The following ARHGAP1 variants were observed in gnomAD, a reference collection of about 807,000 sequenced individuals.
ARHGAP1 encodes Rho GTPase activating protein 1, also known as rho GTPase-activating protein 1.
A neutral mutation model predicts 52.2 loss-of-function variants in ARHGAP1; 23 were observed. The ratio of observed to expected loss-of-function variants is 0.44; its 90% CI spans 0.32 to 0.62. The LOEUF (loss-of-function observed/expected upper bound fraction) is 0.62. Ranked by LOEUF, ARHGAP1 falls within the 20% of genes least tolerant of loss-of-function variation. ARHGAP1 has a pLI of 0.05. For missense variants in ARHGAP1, 480 were observed against 560.9 expected, an observed-to-expected ratio of 0.86 and a Z score of 1.46; for synonymous variants, 210 against 228.4, an observed-to-expected ratio of 0.92 and a Z score of 0.73.
rs1209531028 is a variant in ARHGAP1, at chr11:46,681,345, G to A, written c.484C>T (p.His162Tyr). 1 of 1,613,628 alleles carries A rather than the reference G, an allele frequency of 6.2e-7. No homozygotes were observed. The highest frequency in any genetic ancestry group is 1.1e-5 in the South Asian group (1 of 91,070). The change falls in exon 6 of 13, where the codon CAT becomes TAT. Residue 162 changes from histidine (H) to tyrosine (Y), a missense_variant. By Grantham distance (83) the His-to-Tyr change is moderately conservative (BLOSUM62 2). Transcript: ENST00000311956. This position sits in a 1 kb window ranked among gnomAD's most constrained non-coding sequence, Gnocchi z 5.7. ...KKNIKALYIV[H>Y]PTMFIKTLLI... ...AGAGTTTTGATGAACATGGTTGGAT[G>A]CACGATGTACAAGGCCTTGATGTTT...
rs1278594408 is a variant in ARHGAP1 at position 46,679,933 on chromosome 11, A to C, written c.899-157T>G. 11 of 1,251,304 alleles carry C rather than the reference A, an allele frequency of 8.8e-6. No individual in the cohort carries two copies. In the East Asian group the frequency reaches 2.8e-4, roughly 32 times the overall value. 77.5% of individuals were successfully genotyped at this position (1,251,304 alleles called of 1,614,324 possible). A position where few individuals can be genotyped will look rare whatever the true frequency, so the allele number is the denominator to read the frequency against. On this transcript the variant is annotated intron_variant, in intron 10 of 12. Coordinates refer to ENST00000311956, the MANE Select transcript of ARHGAP1 (RefSeq NM_004308.5). The surrounding 1 kb of genome is among the most constrained non-coding windows in gnomAD (Gnocchi z 4.4). ...ACACCTGCCTCCCTCTTCCTCTGTG[A>C]TCAGAGAATGCAGGTTCCGGCCATC...
rs537446908 is a variant in ARHGAP1, at chr11:46,681,578, C to T, written c.450-199G>A. ...CCTCCTGAGTAACTAGGATTACAGGCACCCACCACCACACCTAGCTAATTT... is the reference window on the plus strand; with the variant it reads ...CCTCCTGAGTAACTAGGATTACAGGTACCCACCACCACACCTAGCTAATTT... On this transcript the variant is annotated intron_variant, in intron 5 of 12. Transcript: ENST00000311956. This position sits in a 1 kb window ranked among gnomAD's most constrained non-coding sequence, Gnocchi z 5.7. 37 of 533,334 alleles carry T rather than the reference C, an allele frequency of 6.9e-5. No homozygotes were observed. The South Asian group carries it at 7.3e-4, about 11-fold the overall frequency. The allele number at this position is 533,334 out of a possible 1,614,324, so 33.0% of individuals were successfully genotyped here.
chr11:46,679,969 G>A lies in ARHGAP1; in HGVS notation c.899-193C>T, dbSNP rs1477503191. On this transcript the variant is annotated intron_variant, in intron 10 of 12. Coordinates refer to ENST00000311956, the MANE Select transcript of ARHGAP1 (RefSeq NM_004308.5). This position sits in a 1 kb window ranked among gnomAD's most constrained non-coding sequence, Gnocchi z 4.4. Reference sequence around the variant, plus strand: ...CAGGTTCCGGCCATCTGGGGAAGTGGGGCCCGGCACACCCCACCGTTATTC... The same window carrying A: ...CAGGTTCCGGCCATCTGGGGAAGTGAGGCCCGGCACACCCCACCGTTATTC... 3 of 1,082,686 alleles carry A rather than the reference G, an allele frequency of 2.8e-6. No homozygotes were observed. In the African/African-American group the frequency reaches 4.8e-5, roughly 17 times the overall value. The allele number at this position is 1,082,686 out of a possible 1,614,324, so 67.1% of individuals were successfully genotyped here.
rs2064534169 is a variant in ARHGAP1, at chr11:46,682,159, T to C, written c.341A>G (p.Gln114Arg). The change falls in exon 5 of 13, where the codon CAG becomes CGG. Residue 114 changes from glutamine (Q) to arginine (R), a missense_variant. Gln to Arg is a conservative substitution (Grantham distance 43). Coordinates refer to ENST00000311956, the MANE Select transcript of ARHGAP1 (RefSeq NM_004308.5). ...AAGTGTGTAGTCACTCTCCACGTAC[T>C]GGTCCAGGGTGTGCTTCAGGTACCT... is the stretch of plus-strand genomic sequence containing the variant. ...LLGYLKHTLD[Q>R]YVESDYTLLY... is the part of the protein sequence containing the mutation. 1 of 1,614,008 alleles carries C rather than the reference T, an allele frequency of 6.2e-7. No individual in the cohort carries two copies. The highest frequency in any genetic ancestry group is 1.3e-5 in the African/African-American group (1 of 74,934).
chr11:46,696,855 G>C lies in ARHGAP1; in HGVS notation c.-49-699C>G, dbSNP rs890572826. Among the ~76,000 whole-genome samples the C allele has an allele frequency of 6.6e-6, 1 of 152,132 alleles. No individual in the cohort carries two copies. The highest frequency in any genetic ancestry group is 1.5e-5 in the Non-Finnish European group (1 of 68,028). On this transcript the variant is annotated intron_variant, in intron 1 of 12. Coordinates refer to ENST00000311956, the MANE Select transcript of ARHGAP1 (RefSeq NM_004308.5). This position sits in a 1 kb window ranked among gnomAD's most constrained non-coding sequence, Gnocchi z 4.8. ...TTGCACTTCCAGCCTAGGCGACAGG[G>C]CAAGACTCCATCCCAAAAAAATAAA... is the stretch of plus-strand genomic sequence containing the variant.
In ARHGAP1 at chr11:46,681,421, G is replaced by T; in HGVS notation, c.450-42C>A. 1.4e-6 allele frequency: 2 copies of T among 1,451,934 alleles called. No individual in the cohort carries two copies. The highest frequency in any genetic ancestry group is 1.1e-5 in the South Asian group (1 of 87,532). The allele number at this position is 1,451,934 out of a possible 1,614,324, so 89.9% of individuals were successfully genotyped here. A position where few individuals can be genotyped will look rare whatever the true frequency, so the allele number is the denominator to read the frequency against. On this transcript the variant is annotated intron_variant, in intron 5 of 12. Transcript: ENST00000311956. This position sits in a 1 kb window ranked among gnomAD's most constrained non-coding sequence, Gnocchi z 5.7. ...GACAACTCAGGAGCAGGCGTGGTGGGACAGGTGCCACGCTAGGGTCCCAGT... is the reference window on the plus strand; with the variant it reads ...GACAACTCAGGAGCAGGCGTGGTGGTACAGGTGCCACGCTAGGGTCCCAGT...
At position 46,678,007 on chromosome 11, in the gene ARHGAP1, C is replaced by A. The variant is rs1166526604; in HGVS notation, c.*1030G>T. ...CCCCTGGGGAAATTGCTAGAACCCA[C>A]CTATCTGGACTGACCTATCAGCACA... On this transcript the variant is annotated 3_prime_UTR_variant, in exon 13 of 13. Coordinates refer to ENST00000311956, the MANE Select transcript of ARHGAP1 (RefSeq NM_004308.5). 3 of 425,522 alleles carry A rather than the reference C, an allele frequency of 7.1e-6. No individual in the cohort carries two copies. The highest frequency in any genetic ancestry group is 2.1e-5 in the African/African-American group (1 of 47,346). The allele number at this position is 425,522 out of a possible 1,614,324, so 26.4% of individuals were successfully genotyped here. A position where few individuals can be genotyped will look rare whatever the true frequency, so the allele number is the denominator to read the frequency against.
chr11:46,688,359 TA>T (rs1397153641), intron 3 of ARHGAP1, 99 bp from the exon 4 acceptor site: 7 of 1,222,374 alleles, frequency 5.7e-6, no homozygotes, highest in Admixed American at 2.0e-5. Context: ...CTGAGCCAGT[TA>T]CCACAGGGGC....
chr11:46,680,828 G>A lies in ARHGAP1; in HGVS notation c.636-81C>T, dbSNP rs544159393. The A allele has an allele frequency of 3.5e-6, 4 of 1,157,738 alleles. No individual in the cohort carries two copies. The highest frequency in any genetic ancestry group is 1.5e-5 in the African/African-American group (1 of 65,100). The allele number at this position is 1,157,738 out of a possible 1,614,324, so 71.7% of individuals were successfully genotyped here. ...CAATTCAATCAAGCATTGACCACGC[G>A]GGGTCAGGAGGATCATCTCATGCGA... On this transcript the variant is annotated intron_variant, in intron 7 of 12. Transcript: ENST00000311956. This position sits in a 1 kb window ranked among gnomAD's most constrained non-coding sequence, Gnocchi z 5.9.
At position 46,681,267 on chromosome 11, in the gene ARHGAP1, C is replaced by G. The variant is rs957571941; in HGVS notation, c.536+26G>C. The G allele has an allele frequency of 1.9e-6, 3 of 1,598,966 alleles. No homozygotes were observed. Among genetic ancestry groups the G allele is most frequent in the Non-Finnish European group, 2.6e-6 (3 of 1,166,180 alleles). Reference sequence around the variant, plus strand: ...TTCAGAGTTCCAGGCAAGCCGGGACCACCAGCCCTGCCCGTGGCCACTCAC... The same window carrying G: ...TTCAGAGTTCCAGGCAAGCCGGGACGACCAGCCCTGCCCGTGGCCACTCAC... On this transcript the variant is annotated intron_variant, in intron 6 of 12. Transcript: ENST00000311956. This position sits in a 1 kb window ranked among gnomAD's most constrained non-coding sequence, Gnocchi z 5.7.
At chr11:46,699,264 T>C (rs989740016) in intron 1 of ARHGAP1, among the ~76,000 whole-genome samples, 18 of 152,210 alleles carry the variant, frequency 1.2e-4, no homozygotes, top group Admixed American at 1.2e-3. Context: ...ATTTGTTGAA[T>C]GAATGAACCA....
In ARHGAP1 at chr11:46,679,861, C is replaced by T; in HGVS notation, c.899-85G>A. The T allele has an allele frequency of 6.3e-7, 1 of 1,585,734 alleles. No individual in the cohort carries two copies. The highest frequency in any genetic ancestry group is 8.5e-7 in the Non-Finnish European group (1 of 1,169,694). Reference sequence around the variant, plus strand: ...AGACAACGCGGGCCGCACTGCCTGACTGCCCCTGGACACTGCATAAGCCCC... The same window carrying T: ...AGACAACGCGGGCCGCACTGCCTGATTGCCCCTGGACACTGCATAAGCCCC... On this transcript the variant is annotated intron_variant, in intron 10 of 12. Transcript: ENST00000311956. This position sits in a 1 kb window ranked among gnomAD's most constrained non-coding sequence, Gnocchi z 4.4.
At position 46,678,385 on chromosome 11, in the gene ARHGAP1, A is replaced by C. The variant is rs1012979904; in HGVS notation, c.*652T>G. On this transcript the variant is annotated 3_prime_UTR_variant, in exon 13 of 13. Coordinates refer to ENST00000311956, the MANE Select transcript of ARHGAP1 (RefSeq NM_004308.5). Reference sequence around the variant, plus strand: ...CACAACCAAGGGGTTAGGACACCCCAGGGGCAGTATCACTTGGGAAAGGCT... The same window carrying C: ...CACAACCAAGGGGTTAGGACACCCCCGGGGCAGTATCACTTGGGAAAGGCT... The C allele has an allele frequency of 6.0e-6, 1 of 166,724 alleles. No individual in the cohort carries two copies. The highest frequency in any genetic ancestry group is 2.4e-5 in the African/African-American group (1 of 41,502). The allele number at this position is 166,724 out of a possible 1,614,324, so 10.3% of individuals were successfully genotyped here. A position where few individuals can be genotyped will look rare whatever the true frequency, so the allele number is the denominator to read the frequency against.
intron 3 of ARHGAP1, among the ~76,000 whole-genome samples, chr11:46,691,835 G>A (rs2064617440): frequency 6.6e-6 from 1 of 152,148 alleles, no homozygotes; most frequent in African/African-American, 2.4e-5. Context: ...TGATCTGCAC[G>A]CCTCAGCCTC....
In ARHGAP1 at chr11:46,679,048, TG is replaced by T. The variant is rs774434094; in HGVS notation, c.1308del (p.Ser437AlafsTer29). On this transcript the variant is annotated frameshift_variant, in exon 13 of 13. Transcript: ENST00000311956. LOFTEE classifies it high-confidence loss of function. The surrounding 1 kb of genome is among the most constrained non-coding windows in gnomAD (Gnocchi z 4.4). ...HQGELFPSPD[P>X]SGL ...GGCAGGGGCCAGGTTCAGAGCCCGC[TG>T]GGGTCCGGGCTTGGGAACAGCTCCC... 2 of 1,614,100 alleles carry T rather than the reference TG, an allele frequency of 1.2e-6. No homozygotes were observed. Among genetic ancestry groups the T allele is most frequent in the Non-Finnish European group, 8.5e-7 (1 of 1,180,008 alleles).
Position 46,695,829 on chromosome 11 carries a change from G to A in ARHGAP1, c.134-74C>T, listed in dbSNP as rs1592393069. The stretch of plus-strand genomic sequence containing the variant: ...GCTCTGCCCCACAGGCATGCTGTCT[G>A]GCCCTTCCCCCAGTAAGGCCCATGC... On this transcript the variant is annotated intron_variant, in intron 2 of 12. Coordinates refer to ENST00000311956, the MANE Select transcript of ARHGAP1 (RefSeq NM_004308.5). The A allele has an allele frequency of 1.9e-6, 3 of 1,572,956 alleles. No individual in the cohort carries two copies. The African/African-American group carries it at 4.1e-5, about 21-fold the overall frequency.
chr11:46,692,749 G>A (rs887513852), intron 3 of ARHGAP1, among the ~76,000 whole-genome samples: 2 of 151,814 alleles, frequency 1.3e-5, no homozygotes, highest in South Asian at 2.1e-4. Flanking sequence ...GTGAAGTGGC[G>A]TGATCTCAGC....
At chr11:46,689,127 G>A (rs2064593112) in intron 3 of ARHGAP1, among the ~76,000 whole-genome samples, 1 of 151,098 alleles carries the variant, frequency 6.6e-6, no homozygotes, top group African/African-American at 2.4e-5. Context: ...CAACCCAAAT[G>A]TCCATCAGCG....
At chr11:46,698,521 T>G (rs1188990163) in intron 1 of ARHGAP1, among the ~76,000 whole-genome samples, 2 of 149,324 alleles carry the variant, frequency 1.3e-5, no homozygotes, top group African/African-American at 5.0e-5. Flanking sequence ...GGCAGGAGAA[T>G]CACTTGAACC....
Sources: gnomAD v4.1 joint callset for allele counts (sites outside exome capture counted in the v4.1 genomes callset) on GRCh38, gnomAD v4.1.1 for gene constraint, Gnocchi (gnomAD v3.1) non-coding constraint, MANE v1.5 for transcripts, NCBI Gene and HGNC (gene_info 2026-07-23, HGNC 2026-07-21) for gene names.